The following ATXN7 variants were observed in gnomAD, a reference collection of about 807,000 sequenced individuals.
ATXN7 encodes ataxin-7.
In ATXN7, 12 loss-of-function variants were observed where a neutral mutation model predicts 70.5. The observed-to-expected ratio is 0.17, with a 90% CI of 0.11 to 0.28. ATXN7 has a LOEUF of 0.28. Among genes scored for constraint, ATXN7 ranks in the 10% least tolerant of loss-of-function variants. The pLI, the probability that ATXN7 is intolerant of heterozygous loss-of-function variation, is 1.00. For missense variants in ATXN7, 1,256 were observed against 1,131.7 expected, an observed-to-expected ratio of 1.11 and a Z score of -1.58; for synonymous variants, 498 against 448.7, an observed-to-expected ratio of 1.11 and a Z score of -1.39.
chr3:63,890,304 A>G (rs879843498), intron 1 of ATXN7, among the ~76,000 whole-genome samples: 2 of 152,224 alleles, frequency 1.3e-5, no homozygotes, highest in Non-Finnish European at 2.9e-5. Flanking sequence ...ATTAATTTGT[A>G]TATTCATGAG....
Position 63,908,356 on chromosome 3 carries a change from G to A in ATXN7, c.-11-4232G>A, listed in dbSNP as rs528172567. Among the ~76,000 whole-genome samples the A allele has an allele frequency of 2.8e-4, 42 of 152,342 alleles. No individual in the cohort carries two copies. The South Asian group carries it at 8.5e-3, about 31-fold the overall frequency. On this transcript the variant is annotated intron_variant, in intron 2 of 12. Transcript: ENST00000674280. Reference sequence around the variant, plus strand: ...GAATACAGCCCTGGCTCTCTCTGGAGAAGAACGAGGAAAGGGGAAAGATGT... The same window carrying A: ...GAATACAGCCCTGGCTCTCTCTGGAAAAGAACGAGGAAAGGGGAAAGATGT...
upstream of ATXN7, chr3:63,863,547 C>A: frequency 8.4e-7 from 1 of 1,195,014 alleles, no homozygotes; most frequent in Non-Finnish European, 1.0e-6. Flanking sequence ...CGGGGAAAGC[C>A]GAGGGTCTCC....
At chr3:63,885,311 C>G in intron 1 of ATXN7, among the ~76,000 whole-genome samples, 1 of 152,068 alleles carries the variant, frequency 6.6e-6, no homozygotes, top group Middle Eastern at 3.2e-3. Context: ...ATTGACAAGA[C>G]GTACAGATGG....
chr3:63,971,644 T>C (rs1174668306), intron 5 of ATXN7, among the ~76,000 whole-genome samples: 1 of 152,174 alleles, frequency 6.6e-6, no homozygotes. Context: ...ATGCCAAATA[T>C]TTTTTAATAT....
chr3:63,922,585 G>A (rs1319432942), intron 4 of ATXN7, among the ~76,000 whole-genome samples: 1 of 152,010 alleles, frequency 6.6e-6, no homozygotes, highest in Non-Finnish European at 1.5e-5. Context: ...TAAATTATAG[G>A]CAATGTAATA....
chr3:63,928,083 CTT>C (rs1271768069), intron 4 of ATXN7, among the ~76,000 whole-genome samples: 3 of 152,182 alleles, frequency 2.0e-5, no homozygotes, highest in Admixed American at 1.3e-4. Context: ...GCTGGGTAGT[CTT>C]TGTAGAAATT....
chr3:63,993,427 G>A (rs1465324352), intron 11 of ATXN7, among the ~76,000 whole-genome samples: 1 of 151,204 alleles, frequency 6.6e-6, no homozygotes. Flanking sequence ...TCCAGCCTGG[G>A]GGTGACAGAG....
intron 4 of ATXN7, among the ~76,000 whole-genome samples, chr3:63,940,310 C>CAG (rs1453395760): frequency 6.6e-6 from 1 of 151,834 alleles, no homozygotes; most frequent in East Asian, 1.9e-4. Flanking sequence ...CACACACACA[C>CAG]ACACACACAC....
At chr3:63,965,564 T>A (rs2075207521) in intron 5 of ATXN7, among the ~76,000 whole-genome samples, 1 of 152,236 alleles carries the variant, frequency 6.6e-6, no homozygotes, top group Non-Finnish European at 1.5e-5. Flanking sequence ...TCTATTAAGA[T>A]GTTATTTTAG....
intron 1 of ATXN7, among the ~76,000 whole-genome samples, chr3:63,870,612 A>C (rs1559615420): frequency 6.6e-6 from 1 of 152,142 alleles, no homozygotes; most frequent in African/African-American, 2.4e-5. Context: ...CACCTTGCCC[A>C]TTTTTTTATA....
chr3:63,949,956 A>G (rs1292291300), intron 4 of ATXN7, among the ~76,000 whole-genome samples: 1 of 152,144 alleles, frequency 6.6e-6, no homozygotes, highest in Non-Finnish European at 1.5e-5. Flanking sequence ...AATGGGAAAA[A>G]CCATGTAAGA....
intron 4 of ATXN7, among the ~76,000 whole-genome samples, chr3:63,915,686 A>T (rs892683748): frequency 4.9e-5 from 7 of 142,858 alleles, no homozygotes; most frequent in Non-Finnish European, 7.7e-5. Context: ...CCCTTTATTT[A>T]TTTTTTTTTT....
chr3:63,902,360 G>A (rs183357278), intron 2 of ATXN7, among the ~76,000 whole-genome samples: 1 of 152,218 alleles, frequency 6.6e-6, no homozygotes, highest in East Asian at 1.9e-4. Context: ...AGTGAGCCGT[G>A]ATTGCACCAG....
intron 4 of ATXN7, among the ~76,000 whole-genome samples, chr3:63,940,683 A>T (rs906515520): frequency 6.6e-6 from 1 of 152,168 alleles, no homozygotes. Flanking sequence ...CCAACAGTCC[A>T]TTAAAGTTGA....
intron 4 of ATXN7, among the ~76,000 whole-genome samples, chr3:63,914,087 T>A (rs1215025652): frequency 6.6e-6 from 1 of 152,190 alleles, no homozygotes; most frequent in Non-Finnish European, 1.5e-5. Flanking sequence ...TTGAGTGAGG[T>A]TTGGCCCCGG....
intron 5 of ATXN7, among the ~76,000 whole-genome samples, chr3:63,961,151 C>T (rs1203152571): frequency 6.6e-6 from 1 of 152,090 alleles, no homozygotes; most frequent in African/African-American, 2.4e-5. Flanking sequence ...GTTCCTAGAA[C>T]CTGGACAAAG....
chr3:63,956,420 CAAAAAAAAAAAAAAA>C (rs1175948780), intron 5 of ATXN7, among the ~76,000 whole-genome samples: 2 of 36,694 alleles, frequency 5.5e-5, no homozygotes, highest in South Asian at 1.5e-3. Flanking sequence ...GACTGCATCT[CAAAAAAAAAAAAAAA>C]AAAAAAAAAA....
intron 5 of ATXN7, among the ~76,000 whole-genome samples, chr3:63,954,778 G>A (rs1395272708): frequency 1.4e-5 from 2 of 144,708 alleles, no homozygotes; most frequent in African/African-American, 2.6e-5. Context: ...GCGCCATCTC[G>A]GCTCACTGCA....
chr3:63,879,692 A>G (rs753344709), intron 1 of ATXN7, among the ~76,000 whole-genome samples: 76 of 151,932 alleles, frequency 5.0e-4, no homozygotes, highest in Non-Finnish European at 6.2e-4. Flanking sequence ...GGGTTTCACT[A>G]TGTTGGCCAA....
Sources: allele counts gnomAD v4.1 joint callset (sites outside exome capture counted in the v4.1 genomes callset), GRCh38; gene constraint gnomAD v4.1.1; transcripts MANE v1.5; gene names NCBI Gene and HGNC (gene_info 2026-07-23, HGNC 2026-07-21).